CCDC7: variants seen among roughly 807,000 people sequenced by gnomAD.
CCDC7 encodes the protein coiled-coil domain containing 7.
In CCDC7, 183 loss-of-function variants were observed where a neutral mutation model predicts 196.9. The observed-to-expected ratio is 0.93, with a 90% confidence interval of 0.82 to 1.05. The LOEUF is 1.05. Among genes scored for constraint, CCDC7 ranks in the 50% least tolerant of loss-of-function variants. The probability of loss-of-function intolerance (pLI) is 0.00; values close to 1 mark genes in which losing one functional copy is unlikely to be tolerated. For missense variants in CCDC7, 1,540 were observed against 1,482.2 expected, an observed-to-expected ratio of 1.04 and a Z score of -0.64; for synonymous variants, 525 against 484.6, an observed-to-expected ratio of 1.08 and a Z score of -1.10.
intron 8 of CCDC7, among the ~76,000 whole-genome samples, chr10:32,482,461 T>C (rs2040157566): frequency 6.6e-6 from 1 of 150,962 alleles, no homozygotes; most frequent in African/African-American, 2.5e-5. Context: ...TACTTATCTT[T>C]TCTAATTTTA....
At chr10:32,852,473 T>C (rs565425707) in intron 40 of CCDC7, among the ~76,000 whole-genome samples, 2 of 152,304 alleles carry the variant, frequency 1.3e-5, no homozygotes, top group Admixed American at 6.5e-5. Flanking sequence ...CTACAGTTAA[T>C]TGAGTTTGAA....
intron 34 of CCDC7, 25 bp from the exon 36 acceptor site, chr10:32,845,518 A>G (rs1473923240): frequency 1.9e-6 from 3 of 1,547,084 alleles, no homozygotes; most frequent in Non-Finnish European, 8.9e-7. Flanking sequence ...TACAAAATAT[A>G]CTGAAATCTG....
At chr10:32,868,566 C>T (rs960367576) in intron 41 of CCDC7, among the ~76,000 whole-genome samples, 1 of 151,642 alleles carries the variant, frequency 6.6e-6, no homozygotes, top group Admixed American at 6.6e-5. Flanking sequence ...TTTATCAGCA[C>T]ATTATTCTTT....
chr10:32,804,461 C>T (rs1245472981), intron 29 of CCDC7, among the ~76,000 whole-genome samples: 1 of 152,096 alleles, frequency 6.6e-6, no homozygotes, highest in African/African-American at 2.4e-5. Context: ...TTTTCCATCG[C>T]TGGTGCTTAC....
At chr10:32,743,060 A>T (rs1343288974) in intron 28 of CCDC7, among the ~76,000 whole-genome samples, 1 of 152,184 alleles carries the variant, frequency 6.6e-6, no homozygotes, top group Non-Finnish European at 1.5e-5. Context: ...CTATTTACCT[A>T]CTGAAGAATG....
chr10:32,472,646 G>A (rs1313672639), intron 7 of CCDC7, 104 bp downstream of exon 8: 12 of 1,069,412 alleles, frequency 1.1e-5, no homozygotes, highest in Non-Finnish European at 1.5e-5. Context: ...CCATGCTGGA[G>A]TGTAGTGGCA....
intron 8 of CCDC7, among the ~76,000 whole-genome samples, chr10:32,478,357 T>C (rs2039378293): frequency 6.6e-6 from 1 of 152,158 alleles, no homozygotes; most frequent in Admixed American, 6.5e-5. Context: ...AATAGCATGG[T>C]AAAAATGGGC....
chr10:32,851,846 C>A (rs1285158357), exon 40 of CCDC7: 2 of 1,612,288 alleles, frequency 1.2e-6, no homozygotes, highest in Non-Finnish European at 1.7e-6. Context: ...GTGACTGCAC[C>A]TTCAAAAGCA....
chr10:32,559,720 G>GA (rs375737984), intron 13 of CCDC7, among the ~76,000 whole-genome samples: 17,182 of 152,076 alleles, frequency 0.11, 1,163 homozygotes, highest in South Asian at 0.27. Flanking sequence ...CAAAGATGGG[G>GA]AAAAAACAGA....
intron 11 of CCDC7, among the ~76,000 whole-genome samples, chr10:32,533,431 A>AC (rs1361378359): frequency 6.6e-6 from 1 of 152,058 alleles, no homozygotes; most frequent in African/African-American, 2.4e-5. Flanking sequence ...CAAATTGCAC[A>AC]CCACAGTTGC....
chr10:32,819,027 C>A (rs372712316), intron 31 of CCDC7, among the ~76,000 whole-genome samples: 4 of 152,044 alleles, frequency 2.6e-5, no homozygotes, highest in Non-Finnish European at 5.9e-5. Context: ...AATCCAGGAG[C>A]TGGTTTTTTG....
At chr10:32,839,207 G>C (rs1341179006) in intron 33 of CCDC7, among the ~76,000 whole-genome samples, 1 of 151,724 alleles carries the variant, frequency 6.6e-6, no homozygotes, top group Admixed American at 6.6e-5. Flanking sequence ...GAATAGATAA[G>C]AATAGATACA....
intron 28 of CCDC7, among the ~76,000 whole-genome samples, chr10:32,743,188 T>C (rs748207197): frequency 1.3e-5 from 2 of 152,214 alleles, no homozygotes; most frequent in African/African-American, 2.4e-5. Flanking sequence ...AGTAGTGCAA[T>C]TGCTGGATTA....
At chr10:32,649,597 A>G (rs75516509) in intron 20 of CCDC7, among the ~76,000 whole-genome samples, 2,924 of 152,320 alleles carry the variant, frequency 0.019, 95 homozygotes, top group African/African-American at 0.066. Flanking sequence ...TTTGTGGACT[A>G]TATCCTCAAA....
chr10:32,724,241 C>T (rs2082800780), intron 25 of CCDC7, among the ~76,000 whole-genome samples: 1 of 152,128 alleles, frequency 6.6e-6, no homozygotes. Flanking sequence ...TCATTGGCAT[C>T]ATCCGTGAGT....
intron 8 of CCDC7, among the ~76,000 whole-genome samples, chr10:32,482,611 T>G (rs1432874576): frequency 6.6e-6 from 1 of 152,150 alleles, no homozygotes; most frequent in African/African-American, 2.4e-5. Flanking sequence ...ACTCGTCATT[T>G]AACATTAGGT....
intron 18 of CCDC7, among the ~76,000 whole-genome samples, chr10:32,608,158 C>CT (rs140936436): frequency 0.02 from 3,037 of 152,032 alleles, 97 homozygotes; most frequent in African/African-American, 0.069. Flanking sequence ...TGTAATGTGT[C>CT]TTTTTTCATT....
intron 6 of CCDC7, among the ~76,000 whole-genome samples, chr10:32,472,051 G>A (rs761484471): frequency 2.0e-5 from 3 of 152,132 alleles, no homozygotes; most frequent in Non-Finnish European, 4.4e-5. Context: ...GCCAATAGAG[G>A]TTAAGTAATA....
chr10:32,505,032 T>C (rs1408306053), intron 9 of CCDC7, among the ~76,000 whole-genome samples: 1 of 152,226 alleles, frequency 6.6e-6, no homozygotes, highest in Non-Finnish European at 1.5e-5. Context: ...ATTATATTGC[T>C]GTCTGTCTCT....
Sources: allele counts gnomAD v4.1 joint callset (sites outside exome capture counted in the v4.1 genomes callset), GRCh38; gene constraint gnomAD v4.1.1; transcripts MANE v1.5; gene names NCBI Gene and HGNC (gene_info 2026-07-23, HGNC 2026-07-21).